The following PHKB variants were observed in gnomAD, a reference collection of about 807,000 sequenced individuals.
PHKB encodes phosphorylase b kinase regulatory subunit beta.
PHKB carries 122 observed loss-of-function variants against 152.1 expected under a neutral mutation model. The observed-to-expected ratio is 0.80, with a 90% CI of 0.69 to 0.93. PHKB has a LOEUF of 0.93. Among genes scored for constraint, PHKB ranks in the 40% least tolerant of loss-of-function variants. The pLI is 0.00. For synonymous variants in PHKB, 436 were observed against 464.9 expected (o/e 0.94, Z 0.80); for missense variants, 1,304 against 1,328.4 (o/e 0.98, Z 0.29).
In PHKB at chr16:47,476,324, C is replaced by G. The variant is rs749901124; in HGVS notation, c.76+14898C>G. Among the ~76,000 whole-genome samples, 4 of 152,050 alleles carry G rather than the reference C, an allele frequency of 2.6e-5. No individual in the cohort carries two copies. The East Asian group carries it at 5.8e-4, about 22-fold the overall frequency. ...AGAAATTATTTTAGTTTTGTGGAAT[C>G]TTTTTATATAAATTTCTTTCTGTGC... On this transcript the variant is annotated intron_variant, in intron 1 of 30. Transcript: ENST00000323584.
intron 18 of PHKB, among the ~76,000 whole-genome samples, chr16:47,650,086 A>C (rs956833063): frequency 3.3e-5 from 5 of 152,126 alleles, no homozygotes; most frequent in African/African-American, 7.2e-5. Flanking sequence ...GTTCCCCCTG[A>C]GGCCATTCTT....
At chr16:47,502,278 C>T (rs1234890331) in intron 3 of PHKB, among the ~76,000 whole-genome samples, 1 of 152,062 alleles carries the variant, frequency 6.6e-6, no homozygotes, top group Non-Finnish European at 1.5e-5. Context: ...TAAAAAGCAA[C>T]TTGTGGACAG....
At chr16:47,519,219 C>A (rs1385730340) in intron 6 of PHKB, among the ~76,000 whole-genome samples, 2 of 152,188 alleles carry the variant, frequency 1.3e-5, no homozygotes, top group African/African-American at 4.8e-5. Context: ...TATGACCTAG[C>A]AGCTCTTTTC....
intron 1 of PHKB, among the ~76,000 whole-genome samples, chr16:47,491,306 C>T (rs568111747): frequency 1.3e-5 from 2 of 152,124 alleles, no homozygotes; most frequent in East Asian, 3.9e-4. Flanking sequence ...AATTGCCTTA[C>T]CAGTTGTGAA....
chr16:47,694,242 A>C (rs904135572), intron 28 of PHKB, among the ~76,000 whole-genome samples: 7 of 152,212 alleles, frequency 4.6e-5, no homozygotes, highest in Admixed American at 4.6e-4. Flanking sequence ...TGATGTGATT[A>C]TTTAATCCTG....
intron 6 of PHKB, among the ~76,000 whole-genome samples, chr16:47,534,036 G>T (rs527766491): frequency 2.0e-5 from 3 of 152,240 alleles, no homozygotes; most frequent in Non-Finnish European, 4.4e-5. Flanking sequence ...CTGGTCTTCA[G>T]CTGTGGCTTG....
intron 6 of PHKB, among the ~76,000 whole-genome samples, chr16:47,538,618 G>A (rs1970996878): frequency 6.6e-6 from 1 of 152,216 alleles, no homozygotes; most frequent in South Asian, 2.1e-4. Flanking sequence ...CATGGATTCA[G>A]GTGCCCCAGC....
intron 5 of PHKB, among the ~76,000 whole-genome samples, chr16:47,514,579 G>A (rs1424468234): frequency 1.3e-5 from 2 of 152,208 alleles, no homozygotes; most frequent in Admixed American, 1.3e-4. Flanking sequence ...TGCCGACCTT[G>A]AGAATAGGTC....
At chr16:47,522,962 T>A (rs1324312813) in intron 6 of PHKB, among the ~76,000 whole-genome samples, 1 of 133,830 alleles carries the variant, frequency 7.5e-6, no homozygotes, top group African/African-American at 3.0e-5. Flanking sequence ...TTCAAGTCAA[T>A]TTTTTTTTTT....
At chr16:47,554,468 T>C (rs1971330682) in intron 7 of PHKB, among the ~76,000 whole-genome samples, 2 of 152,174 alleles carry the variant, frequency 1.3e-5, no homozygotes, top group African/African-American at 2.4e-5. Flanking sequence ...GGGGGTGGGA[T>C]CTGCTGAGCT....
chr16:47,645,353 C>T (rs1384252977), intron 16 of PHKB, among the ~76,000 whole-genome samples: 2 of 122,152 alleles, frequency 1.6e-5, no homozygotes, highest in Non-Finnish European at 3.4e-5. Context: ...TTAGGTCTAA[C>T]GTTTAAATCT....
At chr16:47,523,911 A>G (rs1597054032) in intron 6 of PHKB, among the ~76,000 whole-genome samples, 1 of 152,136 alleles carries the variant, frequency 6.6e-6, no homozygotes, top group East Asian at 1.9e-4. Context: ...GGGGAGTTCT[A>G]AAGCTGTTCT....
intron 26 of PHKB, among the ~76,000 whole-genome samples, chr16:47,680,397 C>T (rs1008725009): frequency 1.3e-4 from 20 of 152,056 alleles, no homozygotes; most frequent in Non-Finnish European, 1.9e-4. Flanking sequence ...TCCATCTGGT[C>T]CTGGACTATT....
intron 14 of PHKB, among the ~76,000 whole-genome samples, chr16:47,613,794 G>T (rs1228071500): frequency 6.6e-6 from 1 of 152,028 alleles, no homozygotes; most frequent in Non-Finnish European, 1.5e-5. Context: ...TTAACCCGTT[G>T]CAACTACTAA....
intron 16 of PHKB, among the ~76,000 whole-genome samples, chr16:47,646,793 A>G (rs1166074616): frequency 6.6e-6 from 1 of 152,036 alleles, no homozygotes; most frequent in East Asian, 1.9e-4. Flanking sequence ...AAGAGAATGT[A>G]TTCTCTTTGA....
intron 6 of PHKB, among the ~76,000 whole-genome samples, chr16:47,524,507 G>A (rs146874227): frequency 3.3e-5 from 5 of 152,262 alleles, no homozygotes; most frequent in South Asian, 2.1e-4. Flanking sequence ...GGTGGCTCAC[G>A]CCTGTAATCC....
At chr16:47,542,775 G>A (rs996781917) in intron 6 of PHKB, among the ~76,000 whole-genome samples, 1 of 152,142 alleles carries the variant, frequency 6.6e-6, no homozygotes, top group Non-Finnish European at 1.5e-5. Context: ...GTGAATGGGA[G>A]TTTGCTCATG....
At position 47,511,427 on chromosome 16, in the gene PHKB, A is replaced by G. The variant is rs577690368; in HGVS notation, c.406-238A>G. 1.3e-4 allele frequency among the ~76,000 whole-genome samples: 20 copies of G among 152,348 alleles called. No homozygotes were observed. In the South Asian group the frequency reaches 3.9e-3, roughly 30 times the overall value. On this transcript the variant is annotated intron_variant, in intron 4 of 30. Transcript: ENST00000323584. Reference sequence around the variant, plus strand: ...CATTGCTACTACATTAACCTGCTCCATACTATACCTGAGTTGCTGTGCATG... The same window carrying G: ...CATTGCTACTACATTAACCTGCTCCGTACTATACCTGAGTTGCTGTGCATG...
chr16:47,536,983 A>G (rs1970963038), intron 6 of PHKB, among the ~76,000 whole-genome samples: 1 of 152,248 alleles, frequency 6.6e-6, no homozygotes, highest in Admixed American at 6.5e-5. Flanking sequence ...ATCCAGCCCA[A>G]TTAGAACCCA....
Sources: allele counts gnomAD v4.1 joint callset (sites outside exome capture counted in the v4.1 genomes callset), GRCh38; gene constraint gnomAD v4.1.1; transcripts MANE v1.5; gene names NCBI Gene and HGNC (gene_info 2026-07-23, HGNC 2026-07-21).